The following RNF212 variants were observed in gnomAD, a reference collection of about 807,000 sequenced individuals.
RNF212 encodes the protein probable E3 SUMO-protein ligase RNF212.
RNF212 carries 33 observed loss-of-function variants against 34.7 expected under a neutral mutation model. That is an observed-to-expected ratio of 0.95 (90% CI 0.72 to 1.27). The LOEUF (loss-of-function observed/expected upper bound fraction) is 1.27. Ranked by LOEUF, RNF212 falls within the 50% of genes most tolerant of loss-of-function variation. The probability of loss-of-function intolerance (pLI) is 0.00; values close to 1 mark genes in which losing one functional copy is unlikely to be tolerated. For synonymous variants in RNF212, 140 were observed against 136.1 expected (o/e 1.03, Z -0.20); for missense variants, 377 against 362.2 (o/e 1.04, Z -0.33).
chr4:1,079,122 G>A (rs898464844), intron 8 of RNF212, among the ~76,000 whole-genome samples: 5 of 148,884 alleles, frequency 3.4e-5, no homozygotes, highest in African/African-American at 7.5e-5. Context: ...GGTCAACACA[G>A]GACCAACATA....
chr4:1,087,620 G>A (rs1352409348), intron 4 of RNF212, among the ~76,000 whole-genome samples: 1 of 151,102 alleles, frequency 6.6e-6, no homozygotes, highest in Non-Finnish European at 1.5e-5. Context: ...GTGACAGAAT[G>A]GGGTTGAGAG....
chr4:1,079,046 A>G (rs112630923), intron 8 of RNF212, among the ~76,000 whole-genome samples: 57 of 80,996 alleles, frequency 7.0e-4, no homozygotes, highest in South Asian at 8.8e-4. Context: ...ACCAACATAG[A>G]GTCAACACAG....
At chr4:1,066,811 A>G (rs1718127330), downstream of RNF212, among the ~76,000 whole-genome samples, 1 of 151,826 alleles carries the variant, frequency 6.6e-6, no homozygotes, top group Non-Finnish European at 1.5e-5. Context: ...CATGAGGTCA[A>G]TTTGTTTAAT....
rs763348421 is a variant in RNF212, at chr4:1,073,147, C to A, written c.621G>T (p.Leu207Phe). Reference protein sequence around the residue: ...ASFCFIPWLTLSKPPVPGECV... With the variant: ...ASFCFIPWLTFSKPPVPGECV... ...ACTCTCCGGGCACAGGGGGCTTAGA[C>A]AAGGTCAACCATGGGATGAAACAGA... Residue 207 changes from leucine (L) to phenylalanine (F), a missense_variant, in exon 10 of 10, where the codon TTG becomes TTT. Leu to Phe is a conservative substitution (Grantham distance 22, BLOSUM62 0). Transcript: ENST00000433731. 1.4e-5 allele frequency: 22 copies of A among 1,614,162 alleles called. No homozygotes were observed. In the East Asian group the frequency reaches 4.9e-4, roughly 36 times the overall value.
intron 8 of RNF212, among the ~76,000 whole-genome samples, chr4:1,076,544 G>C (rs893103344): frequency 6.6e-6 from 1 of 152,216 alleles, no homozygotes; most frequent in African/African-American, 2.4e-5. Flanking sequence ...CAGAGAGTGA[G>C]ACCTCAGTCT....
At chr4:1,080,712 C>G (rs1368867308) in intron 7 of RNF212, among the ~76,000 whole-genome samples, 6 of 152,366 alleles carry the variant, frequency 3.9e-5, no homozygotes, top group Admixed American at 3.9e-4. Context: ...TCTTTCCTGC[C>G]TCTTGCTACC....
chr4:1,093,879 G>A (rs768917964), intron 3 of RNF212: 65 of 1,536,148 alleles, frequency 4.2e-5, no homozygotes, highest in Middle Eastern at 3.3e-4. Flanking sequence ...CTGGGTGCCC[G>A]TGTTGTGCTG....
chr4:1,070,621 G>C (rs1718410254), downstream of RNF212, among the ~76,000 whole-genome samples: 1 of 151,454 alleles, frequency 6.6e-6, no homozygotes, highest in African/African-American at 2.4e-5. Flanking sequence ...GGGTGGTTTT[G>C]TAGGACTGCG....
chr4:1,093,839 G>A (rs1722601049), intron 3 of RNF212: 1 of 1,536,224 alleles, frequency 6.5e-7, no homozygotes, highest in East Asian at 2.4e-5. Flanking sequence ...CTGGGCCTCT[G>A]GCTGGCTCTG....
chr4:1,094,622 G>T (rs1722759441), intron 3 of RNF212, among the ~76,000 whole-genome samples: 1 of 152,186 alleles, frequency 6.6e-6, no homozygotes, highest in Non-Finnish European at 1.5e-5. Flanking sequence ...GGGCTCAGCT[G>T]CCAGAAGGGG....
chr4:1,090,935 G>C (rs658846), intron 3 of RNF212, 97 bp from the exon 4 acceptor site: 618,715 of 764,516 alleles, frequency 0.81, 251,858 homozygotes, highest in African/African-American at 0.96. Context: ...ACTCTCAGGA[G>C]AGCTCACAGT....
At chr4:1,078,145 C>A (rs1012809047) in intron 8 of RNF212, among the ~76,000 whole-genome samples, 1 of 152,210 alleles carries the variant, frequency 6.6e-6, no homozygotes, top group Non-Finnish European at 1.5e-5. Context: ...CGGAACAGTG[C>A]TTGCCAATGA....
In RNF212 at chr4:1,081,590, C is replaced by T. The variant is rs1390606724; in HGVS notation, c.392G>A (p.Ser131Asn). ...SMRSSQQTAF[S>N]TIKSSVSTKP... ...ACTTGAAACTGAACTTTTTATTGTG[C>T]TGAAAGCTGTTTGTTGTGATGATCT... The change falls in exon 6 of 10, where the codon AGC (serine) becomes AAC (asparagine). Residue 131 changes from serine to asparagine, a missense_variant. Transcript: ENST00000433731. The T allele has an allele frequency of 1.2e-6, 2 of 1,611,554 alleles. No homozygotes were observed. Among genetic ancestry groups the T allele is most frequent in the Admixed American group, 1.7e-5 (1 of 60,010 alleles).
intron 8 of RNF212, among the ~76,000 whole-genome samples, chr4:1,076,896 GCTGTGGA>G (rs897294952): frequency 5.3e-5 from 8 of 152,180 alleles, no homozygotes; most frequent in Non-Finnish European, 1.2e-4. Context: ...GAGTTGAGTA[GCTGTGGA>G]CTGTCTGGTC....
intron 2 of RNF212, among the ~76,000 whole-genome samples, chr4:1,105,749 C>T (rs17164326): frequency 0.82 from 124,483 of 151,980 alleles, 52,451 homozygotes; most frequent in East Asian, 1. Context: ...AGCGTCCTTC[C>T]ACCGCAGGTC....
At chr4:1,066,230 T>C (rs1397218765) in intron 3 of RNF212, among the ~76,000 whole-genome samples, 1 of 152,088 alleles carries the variant, frequency 6.6e-6, no homozygotes, top group African/African-American at 2.4e-5. Flanking sequence ...GCTCTTGCTA[T>C]AGTTTTGATT....
chr4:1,066,330 C>T (rs1386139376), intron 3 of RNF212, among the ~76,000 whole-genome samples: 4 of 152,120 alleles, frequency 2.6e-5, no homozygotes, highest in Non-Finnish European at 5.9e-5. Flanking sequence ...TTGCTGCCCT[C>T]CGCTTTTCTT....
In RNF212 at chr4:1,108,397, C is replaced by T. The variant is rs1356653282; in HGVS notation, c.117G>A (p.Lys39=). The T allele has an allele frequency of 1.3e-6, 2 of 1,490,900 alleles. No individual in the cohort carries two copies. The highest frequency in any genetic ancestry group is 1.8e-6 in the Non-Finnish European group (2 of 1,124,746). The allele number at this position is 1,490,900 out of a possible 1,614,324, so 92.4% of individuals were successfully genotyped here. A position where few individuals can be genotyped will look rare whatever the true frequency, so the allele number is the denominator to read the frequency against. Residue 39 remains lysine (K), a synonymous_variant, in exon 2 of 10, where the codon AAG becomes AAA. Coordinates refer to ENST00000433731, the MANE Select transcript of RNF212 (RefSeq NM_001131034.4). ...YCDACLGKGK[K]NECLICKAPC... is the part of the protein sequence containing the mutation. ...GAGCTTTACAAATCAAGCATTCATT[C>T]TTTTTACCTATAAAATAAAAATAGG...
At chr4:1,085,047 C>A (rs1295500570) in intron 5 of RNF212, among the ~76,000 whole-genome samples, 1 of 152,224 alleles carries the variant, frequency 6.6e-6, no homozygotes, top group Non-Finnish European at 1.5e-5. Context: ...TGCACACACG[C>A]TGGAGGCTCA....
Sources: gnomAD v4.1 joint callset for allele counts (sites outside exome capture counted in the v4.1 genomes callset) on GRCh38, gnomAD v4.1.1 for gene constraint, MANE v1.5 for transcripts, NCBI Gene and HGNC (gene_info 2026-07-23, HGNC 2026-07-21) for gene names.